The following DCC variants were observed in gnomAD, a reference collection of about 807,000 sequenced individuals.
DCC encodes DCC netrin 1 receptor, also known as netrin receptor DCC.
In DCC, 58 loss-of-function variants were observed where a neutral mutation model predicts 172.5. The ratio of observed to expected loss-of-function variants is 0.34; its 90% CI spans 0.27 to 0.42. The LOEUF is 0.42. Among genes scored for constraint, DCC ranks in the 10% least tolerant of loss-of-function variants. The pLI is 1.00. For missense variants in DCC, 1,740 were observed against 1,791.0 expected (o/e 0.97, Z 0.51); for synonymous variants, 709 against 644.5 (o/e 1.10, Z -1.52).
In DCC at chr18:52,906,199, G is replaced by C; in HGVS notation, c.568G>C (p.Val190Leu). ...TCCAATCCCAGGTGACTCCCGAGTG[G>C]TGGTCTTGCCCTCTGGAGCATTGCA... The part of the protein sequence containing the change: ...LTPIPGDSRV[V>L]VLPSGALQIS... Residue 190 changes from valine to leucine, a missense_variant, in exon 3 of 29, where the codon GTG (valine) becomes CTG (leucine). Val to Leu is a conservative substitution (Grantham distance 32). Transcript: ENST00000442544. 6.2e-7 allele frequency: 1 copy of C among 1,613,988 alleles called. No individual in the cohort carries two copies. Among genetic ancestry groups the C allele is most frequent in the Non-Finnish European group, 8.5e-7 (1 of 1,179,964 alleles).
At chr18:52,976,233 GA>G (rs2041115560) in intron 5 of DCC, among the ~76,000 whole-genome samples, 1 of 151,598 alleles carries the variant, frequency 6.6e-6, no homozygotes. Context: ...TTTCTTTATA[GA>G]TGCTGGATAT....
At chr18:52,777,586 G>A (rs1021587009) in intron 2 of DCC, among the ~76,000 whole-genome samples, 2 of 152,124 alleles carry the variant, frequency 1.3e-5, no homozygotes, top group Non-Finnish European at 2.9e-5. Context: ...AGGTTCTGGG[G>A]AGTAGGATGT....
intron 15 of DCC, among the ~76,000 whole-genome samples, chr18:53,352,189 T>A (rs2057820450): frequency 6.6e-6 from 1 of 152,080 alleles, no homozygotes; most frequent in African/African-American, 2.4e-5. Context: ...TCCAGCTACA[T>A]AGGACACAGC....
chr18:52,687,281 TC>T (rs1365590001), intron 1 of DCC, among the ~76,000 whole-genome samples: 1 of 129,548 alleles, frequency 7.7e-6, no homozygotes, highest in Non-Finnish European at 1.6e-5. Context: ...TTTTTCTTTT[TC>T]CTTTTTTTTT....
rs116989892 is a variant in DCC, at chr18:52,836,103, G to A, written c.413-69941G>A. On this transcript the variant is annotated intron_variant, in intron 2 of 28. Transcript: ENST00000442544. ...AGTGAAGGGGGAAGCCTGTTATAAA[G>A]CCATCAGATCTCATGAGAACTTGTG... Among the ~76,000 whole-genome samples the A allele has an allele frequency of 7.2e-3, 1,103 of 152,264 alleles. 44 individuals carry two copies. In the East Asian group the frequency reaches 0.079, roughly 11 times the overall value.
intron 26 of DCC, among the ~76,000 whole-genome samples, chr18:53,493,911 G>A (rs1293586463): frequency 6.6e-6 from 1 of 152,066 alleles, no homozygotes; most frequent in East Asian, 1.9e-4. Context: ...TCTTTTAATT[G>A]TGATGTTATG....
intron 1 of DCC, among the ~76,000 whole-genome samples, chr18:52,642,863 T>C (rs957128610): frequency 7.2e-5 from 11 of 152,140 alleles, no homozygotes; most frequent in Non-Finnish European, 1.5e-4. Context: ...GAGGTCTTGC[T>C]ATGTTACCCA....
At chr18:53,111,049 C>G (rs1598812392) in intron 7 of DCC, among the ~76,000 whole-genome samples, 1 of 143,636 alleles carries the variant, frequency 7.0e-6, no homozygotes, top group African/African-American at 2.6e-5. Flanking sequence ...CACATATACA[C>G]CATGGAATAC....
chr18:52,938,063 T>C (rs1418152327), intron 5 of DCC, among the ~76,000 whole-genome samples: 2 of 152,166 alleles, frequency 1.3e-5, no homozygotes, highest in African/African-American at 2.4e-5. Context: ...CATTGTTTTT[T>C]AATACATTGT....
chr18:53,529,020 TCTCTCTCTCTCTCTCTCTCACA>T (rs1405183664), intron 28 of DCC, among the ~76,000 whole-genome samples: 22 of 85,712 alleles, frequency 2.6e-4, no homozygotes, highest in Middle Eastern at 5.4e-3. Context: ...TCTCTCTCTC[TCTCTCTCTCTCTCTCTCTCACA>T]CACACACACA....
At chr18:52,479,289 C>A (rs1012177107) in intron 1 of DCC, among the ~76,000 whole-genome samples, 2 of 152,060 alleles carry the variant, frequency 1.3e-5, no homozygotes, top group African/African-American at 2.4e-5. Flanking sequence ...TCTAAAGTGA[C>A]CTTTTGTGTT....
intron 1 of DCC, among the ~76,000 whole-genome samples, chr18:52,599,799 C>T (rs890214966): frequency 2.0e-4 from 30 of 152,256 alleles, no homozygotes; most frequent in Non-Finnish European, 3.8e-4. Flanking sequence ...CAGGTTTGAG[C>T]CACCGCGCCC....
intron 7 of DCC, among the ~76,000 whole-genome samples, chr18:53,090,737 A>AAAAAAAAAAAAAAAAAAATAC (rs2042995512): frequency 7.2e-6 from 1 of 139,562 alleles, no homozygotes; most frequent in Non-Finnish European, 1.5e-5. Flanking sequence ...AAAAAAAAGA[A>AAAAAAAAAAAAAAAAAAATAC]TGTATCGTGT....
chr18:52,889,766 G>A (rs1278602002), intron 2 of DCC, among the ~76,000 whole-genome samples: 1 of 152,016 alleles, frequency 6.6e-6, no homozygotes, highest in Non-Finnish European at 1.5e-5. Context: ...CATAAATTGA[G>A]GTCATCACCA....
chr18:53,246,643 G>T (rs1259735190), intron 12 of DCC, among the ~76,000 whole-genome samples: 1 of 152,074 alleles, frequency 6.6e-6, no homozygotes, highest in Non-Finnish European at 1.5e-5. Context: ...ATGCAGAACT[G>T]CTATGAGAAT....
At chr18:52,859,479 G>A (rs1356816790) in intron 2 of DCC, among the ~76,000 whole-genome samples, 1 of 152,210 alleles carries the variant, frequency 6.6e-6, no homozygotes. Flanking sequence ...AAGAATGGGT[G>A]CTTGGATCAT....
At chr18:53,316,750 C>G (rs1036626714) in intron 13 of DCC, among the ~76,000 whole-genome samples, 9 of 152,028 alleles carry the variant, frequency 5.9e-5, no homozygotes, top group African/African-American at 2.2e-4. Flanking sequence ...TATGGTTAGG[C>G]TATTATCGGT....
intron 1 of DCC, among the ~76,000 whole-genome samples, chr18:52,746,846 A>G (rs1213484317): frequency 1.3e-5 from 2 of 151,958 alleles, no homozygotes; most frequent in Admixed American, 6.6e-5. Flanking sequence ...CTTCTTTTAT[A>G]TCCTCATCAG....
intron 2 of DCC, among the ~76,000 whole-genome samples, chr18:52,847,880 T>C (rs2038919653): frequency 6.6e-6 from 1 of 152,200 alleles, no homozygotes; most frequent in Admixed American, 6.5e-5. Context: ...TTCTCTCATC[T>C]GTAAAATATG....
Sources: allele counts gnomAD v4.1 joint callset (sites outside exome capture counted in the v4.1 genomes callset), GRCh38; gene constraint gnomAD v4.1.1; transcripts MANE v1.5; gene names NCBI Gene and HGNC (gene_info 2026-07-23, HGNC 2026-07-21).